Variants in CYFIP1 observed in about 807,000 individuals in gnomAD.
CYFIP1 encodes the protein cytoplasmic FMR1-interacting protein 1.
In CYFIP1, 58 loss-of-function variants were observed where a neutral mutation model predicts 163.5. That is an observed-to-expected ratio of 0.35 (90% confidence interval 0.29 to 0.44). The LOEUF (loss-of-function observed/expected upper bound fraction) is 0.44, where lower values mean the gene tolerates loss of function less well. Among genes scored for constraint, CYFIP1 ranks in the 20% least tolerant of loss-of-function variants. The pLI is 1.00. For missense variants in CYFIP1, 1,338 were observed against 1,653.8 expected, an observed-to-expected ratio of 0.81 and a Z score of 3.31; for synonymous variants, 663 against 660.7, an observed-to-expected ratio of 1.00 and a Z score of -0.05.
At chr15:22,901,101 G>A (rs968694974) in intron 22 of CYFIP1, among the ~76,000 whole-genome samples, 1 of 151,776 alleles carries the variant, frequency 6.6e-6, no homozygotes, top group Admixed American at 6.6e-5. Flanking sequence ...TACTCCGGAG[G>A]CTGAGGCAGG....
intron 23 of CYFIP1, among the ~76,000 whole-genome samples, chr15:22,891,254 G>A (rs1307746634): frequency 4.6e-5 from 7 of 151,890 alleles, no homozygotes; most frequent in African/African-American, 1.7e-4. Flanking sequence ...GTGAAACCCC[G>A]TCTCTACCAA....
intron 22 of CYFIP1, among the ~76,000 whole-genome samples, chr15:22,896,460 C>T (rs2060239438): frequency 6.6e-6 from 1 of 152,044 alleles, no homozygotes; most frequent in Admixed American, 6.6e-5. Flanking sequence ...CAATCACAGG[C>T]ATATTAGAAT....
At chr15:22,935,690 T>G (rs2061689851) in intron 9 of CYFIP1, among the ~76,000 whole-genome samples, 1 of 152,138 alleles carries the variant, frequency 6.6e-6, no homozygotes, top group Non-Finnish European at 1.5e-5. Flanking sequence ...CATAGTTAAG[T>G]TCTGAAGACC....
rs2062251832 is a variant in CYFIP1, at chr15:22,951,600, G to A, written c.-6-4309C>T. On this transcript the variant is annotated intron_variant, in intron 1 of 30. Transcript: ENST00000617928. ...GCGGCCTGAACCCAGATAGTGCCAG[G>A]AGAGGCCTGGGGGCGTGTCCAGTCA... The A allele has an allele frequency of 3.2e-6, 4 of 1,266,604 alleles. No homozygotes were observed. The African/African-American group carries it at 4.6e-5, about 15-fold the overall frequency. The allele number at this position is 1,266,604 out of a possible 1,614,324, so 78.5% of individuals were successfully genotyped here. A position where few individuals can be genotyped will look rare whatever the true frequency, so the allele number is the denominator to read the frequency against.
chr15:22,894,328 T>C (rs952686014), intron 22 of CYFIP1, among the ~76,000 whole-genome samples: 2 of 138,686 alleles, frequency 1.4e-5, no homozygotes. Flanking sequence ...TTGCTCTTGA[T>C]GCCCAGGCTG....
intron 5 of CYFIP1, 34 bp downstream of exon 5, chr15:22,944,524 T>C (rs1595673801): frequency 1.4e-6 from 2 of 1,438,094 alleles, no homozygotes; most frequent in Non-Finnish European, 9.8e-7. Flanking sequence ...CACCCCTCGG[T>C]GTTACACCCC....
chr15:22,967,416 C>A (rs1361244440), intron 1 of CYFIP1, among the ~76,000 whole-genome samples: 1 of 152,152 alleles, frequency 6.6e-6, no homozygotes, highest in Non-Finnish European at 1.5e-5. Context: ...CACTTTCCAC[C>A]ATGTAGTCTT....
chr15:22,872,590 TG>T, intron 30 of CYFIP1: 2 of 490,266 alleles, frequency 4.1e-6, no homozygotes, highest in East Asian at 7.5e-5. Context: ...CCTGTAAGAC[TG>T]GAAGTAAATC....
intron 25 of CYFIP1, among the ~76,000 whole-genome samples, chr15:22,880,804 G>A (rs889413136): frequency 1.1e-4 from 16 of 152,128 alleles, no homozygotes; most frequent in African/African-American, 3.6e-4. Flanking sequence ...GCTCCTCCCA[G>A]CTCTCAGCAC....
At chr15:22,938,916 A>G (rs1258546645) in intron 8 of CYFIP1, among the ~76,000 whole-genome samples, 3 of 128,682 alleles carry the variant, frequency 2.3e-5, no homozygotes, top group Non-Finnish European at 3.3e-5. Context: ...TAAAACGAAA[A>G]GCAGCTTAAA....
chr15:22,943,392 C>T (rs1387288045), intron 5 of CYFIP1, 38 bp from the exon 6 acceptor site: 3 of 1,598,000 alleles, frequency 1.9e-6, no homozygotes, highest in Admixed American at 1.7e-5. Flanking sequence ...AGCTGCAGGT[C>T]AGTGAGGAGC....
intron 1 of CYFIP1, chr15:22,951,274 T>C (rs2062240590): frequency 5.5e-6 from 6 of 1,092,792 alleles, no homozygotes; most frequent in Middle Eastern, 2.6e-4. Flanking sequence ...CACTGCTGCA[T>C]GTTCCTCACT....
chr15:22,927,601 A>T (rs1038576238), intron 12 of CYFIP1, among the ~76,000 whole-genome samples: 1 of 151,686 alleles, frequency 6.6e-6, no homozygotes, highest in African/African-American at 2.4e-5. Flanking sequence ...GGCTGTAGGG[A>T]CTTATGTTTG....
chr15:22,937,017 G>C (rs1203735619), intron 9 of CYFIP1, 87 bp downstream of exon 9: 1 of 885,568 alleles, frequency 1.1e-6, no homozygotes, highest in Non-Finnish European at 1.8e-6. Flanking sequence ...TCCTGATATA[G>C]ATCACAGTCA....
intron 1 of CYFIP1, among the ~76,000 whole-genome samples, chr15:22,960,804 T>C (rs899633051): frequency 5.3e-5 from 8 of 152,112 alleles, no homozygotes; most frequent in Non-Finnish European, 8.8e-5. Flanking sequence ...CAGATGACTT[T>C]CCTAGCAGCA....
chr15:22,876,421 T>TA (rs1224462617), intron 26 of CYFIP1, among the ~76,000 whole-genome samples: 1 of 152,082 alleles, frequency 6.6e-6, no homozygotes, highest in African/African-American at 2.4e-5. Flanking sequence ...ACCGTGCCTT[T>TA]AAGCTAAGAG....
At chr15:22,942,754 C>A (rs1001748390) in intron 6 of CYFIP1, among the ~76,000 whole-genome samples, 3 of 152,180 alleles carry the variant, frequency 2.0e-5, no homozygotes, top group Non-Finnish European at 2.9e-5. Flanking sequence ...TGGGGACCCC[C>A]GCTGGCGAGT....
At chr15:22,925,775 C>T (rs1055203420) in intron 13 of CYFIP1, among the ~76,000 whole-genome samples, 2 of 152,158 alleles carry the variant, frequency 1.3e-5, no homozygotes, top group African/African-American at 4.8e-5. Flanking sequence ...TCCAGATTCG[C>T]ACCCAGGGAG....
Position 22,897,544 on chromosome 15 carries a change from C to T in CYFIP1, c.2589-4567G>A, listed in dbSNP as rs938053756. Among the ~76,000 whole-genome samples the T allele has an allele frequency of 1.8e-4, 27 of 151,746 alleles. 1 individual carries two copies. The highest frequency in any genetic ancestry group is 6.3e-4 in the African/African-American group (26 of 41,402). On this transcript the variant is annotated intron_variant, in intron 22 of 30. Coordinates refer to ENST00000617928, the MANE Select transcript of CYFIP1 (RefSeq NM_014608.6). Reference sequence around the variant, plus strand: ...TGTCACCCAGGCTGGAGTGCAGTCGCGCATTCTTGGCTCACTGCAGCCTTG... The same window carrying T: ...TGTCACCCAGGCTGGAGTGCAGTCGTGCATTCTTGGCTCACTGCAGCCTTG...
Sources: gnomAD v4.1 joint callset for allele counts (sites outside exome capture counted in the v4.1 genomes callset) on GRCh38, gnomAD v4.1.1 for gene constraint, MANE v1.5 for transcripts, NCBI Gene and HGNC (gene_info 2026-07-23, HGNC 2026-07-21) for gene names.